Variants in ROBO2 observed in about 807,000 individuals in gnomAD.
ROBO2 encodes roundabout guidance receptor 2, also known as roundabout homolog 2.
Under a neutral mutation model 160.8 loss-of-function variants are expected in ROBO2, and 53 were observed. The observed-to-expected ratio is 0.33, with a 90% CI of 0.26 to 0.41. The LOEUF (loss-of-function observed/expected upper bound fraction) is 0.41, where lower values mean the gene tolerates loss of function less well. Ranked by LOEUF, ROBO2 falls within the 10% of genes least tolerant of loss-of-function variation. ROBO2 has a pLI of 1.00. For synonymous variants in ROBO2, 664 were observed against 611.7 expected (o/e 1.09, Z -1.26); for missense variants, 1,577 against 1,722.4 (o/e 0.92, Z 1.49).
At chr3:77,520,439 T>C (rs903344804) in intron 5 of ROBO2, among the ~76,000 whole-genome samples, 1 of 151,274 alleles carries the variant, frequency 6.6e-6, no homozygotes, top group African/African-American at 2.4e-5. Context: ...CTATGAACAA[T>C]GTGTGCAATA....
chr3:77,224,950 T>C (rs2086296854), intron 2 of ROBO2, among the ~76,000 whole-genome samples: 2 of 151,926 alleles, frequency 1.3e-5, no homozygotes, highest in Admixed American at 1.3e-4. Context: ...ATTGTAGCTA[T>C]AGGTTTAACA....
At chr3:76,864,253 A>G (rs936218380) in intron 2 of ROBO2, among the ~76,000 whole-genome samples, 1 of 152,078 alleles carries the variant, frequency 6.6e-6, no homozygotes, top group Non-Finnish European at 1.5e-5. Context: ...TTGTTTTTAC[A>G]CAATTAAGAA....
At chr3:76,860,068 C>A (rs1027069836) in intron 2 of ROBO2, among the ~76,000 whole-genome samples, 1 of 152,116 alleles carries the variant, frequency 6.6e-6, no homozygotes, top group Admixed American at 6.5e-5. Context: ...TCATGTATAT[C>A]ATTTTGTTCA....
chr3:77,150,999 A>G (rs1180878656), intron 2 of ROBO2, among the ~76,000 whole-genome samples: 1 of 152,166 alleles, frequency 6.6e-6, no homozygotes, highest in East Asian at 1.9e-4. Context: ...GTTTTATAGT[A>G]TAGGGTTTAT....
chr3:76,258,583 A>C (rs1706546551), intron 2 of ROBO2, among the ~76,000 whole-genome samples: 1 of 151,998 alleles, frequency 6.6e-6, no homozygotes, highest in African/African-American at 2.4e-5. Context: ...TTATTTGTAA[A>C]TATCTGGTTT....
intron 2 of ROBO2, among the ~76,000 whole-genome samples, chr3:76,639,884 T>G (rs1234167686): frequency 1.4e-4 from 21 of 152,164 alleles, no homozygotes; most frequent in Admixed American, 1.4e-3. Flanking sequence ...AACACATATA[T>G]AGTGAAGAGC....
chr3:75,950,391 T>TTC lies in ROBO2; in HGVS notation c.109+12790_109+12791insCT, dbSNP rs1948489565. On this transcript the variant is annotated intron_variant, in intron 2 of 26. Transcript: ENST00000487694. ...GAACTGAAGGATTACATATACAAGATTATAGCTTAATAAGTAGAGGGAGAA... is the reference window on the plus strand; with the variant it reads ...GAACTGAAGGATTACATATACAAGATTCTATAGCTTAATAAGTAGAGGGAGAA... 2.0e-5 allele frequency among the ~76,000 whole-genome samples: 3 copies of TTC among 152,192 alleles called. No individual in the cohort carries two copies. In the South Asian group the frequency reaches 6.2e-4, roughly 32 times the overall value.
intron 2 of ROBO2, among the ~76,000 whole-genome samples, chr3:76,402,283 C>G (rs1349945587): frequency 6.6e-6 from 1 of 151,528 alleles, no homozygotes; most frequent in Admixed American, 6.6e-5. Flanking sequence ...GTGGTAAACA[C>G]TGGGTTGCCA....
intron 2 of ROBO2, among the ~76,000 whole-genome samples, chr3:77,358,327 G>T (rs1344993020): frequency 6.6e-6 from 1 of 152,002 alleles, no homozygotes; most frequent in Non-Finnish European, 1.5e-5. Flanking sequence ...TTCTTTCTTT[G>T]TTTCTTTCCA....
chr3:76,571,685 G>A (rs1219218410), intron 2 of ROBO2, among the ~76,000 whole-genome samples: 3 of 152,060 alleles, frequency 2.0e-5, no homozygotes, highest in African/African-American at 7.2e-5. Flanking sequence ...TAGCCAGGAA[G>A]TACTAAGACT....
intron 2 of ROBO2, among the ~76,000 whole-genome samples, chr3:77,417,622 C>T (rs2077364486): frequency 1.3e-5 from 2 of 151,986 alleles, no homozygotes; most frequent in Admixed American, 6.6e-5. Context: ...TTGATTTGTA[C>T]CACTTTAGTC....
chr3:76,845,000 G>T (rs368958684), intron 2 of ROBO2, among the ~76,000 whole-genome samples: 1 of 151,888 alleles, frequency 6.6e-6, no homozygotes, highest in African/African-American at 2.4e-5. Context: ...ACTATTTTCA[G>T]CCTGGGCCTT....
intron 24 of ROBO2, among the ~76,000 whole-genome samples, chr3:77,641,763 C>T (rs1001344272): frequency 6.6e-6 from 1 of 151,920 alleles, no homozygotes; most frequent in Non-Finnish European, 1.5e-5. Flanking sequence ...CTAATACATA[C>T]TTAAAAGAGA....
At chr3:77,120,556 G>C (rs986634035) in intron 2 of ROBO2, among the ~76,000 whole-genome samples, 3 of 147,496 alleles carry the variant, frequency 2.0e-5, no homozygotes, top group African/African-American at 8.1e-5. Context: ...TTTATTCTGT[G>C]AATTTAAGAT....
At chr3:76,176,089 C>T (rs2073220409) in intron 2 of ROBO2, among the ~76,000 whole-genome samples, 1 of 151,914 alleles carries the variant, frequency 6.6e-6, no homozygotes, top group African/African-American at 2.4e-5. Flanking sequence ...TCCTTTGGGA[C>T]ACATGCTGCT....
At chr3:75,930,929 C>T (rs1947504565) in intron 1 of ROBO2, among the ~76,000 whole-genome samples, 2 of 152,190 alleles carry the variant, frequency 1.3e-5, no homozygotes, top group African/African-American at 2.4e-5. Context: ...AATTCTTAAT[C>T]TCCTACACTT....
At chr3:76,222,194 A>T (rs1704009732) in intron 2 of ROBO2, among the ~76,000 whole-genome samples, 1 of 152,176 alleles carries the variant, frequency 6.6e-6, no homozygotes, top group Admixed American at 6.5e-5. Flanking sequence ...AAAACACGTT[A>T]CCAGTGGCAA....
At chr3:77,463,015 A>T (rs1485410646) in intron 2 of ROBO2, among the ~76,000 whole-genome samples, 1 of 152,186 alleles carries the variant, frequency 6.6e-6, no homozygotes, top group Non-Finnish European at 1.5e-5. Flanking sequence ...TCATACTTTC[A>T]TCTTTCAGTT....
At chr3:77,123,868 C>G (rs1473880898) in intron 2 of ROBO2, among the ~76,000 whole-genome samples, 1 of 136,532 alleles carries the variant, frequency 7.3e-6, no homozygotes, top group Non-Finnish European at 1.6e-5. Context: ...TACATAGATA[C>G]ATATATAGAT....
Sources: gnomAD v4.1 joint callset for allele counts (sites outside exome capture counted in the v4.1 genomes callset) on GRCh38, gnomAD v4.1.1 for gene constraint, MANE v1.5 for transcripts, NCBI Gene and HGNC (gene_info 2026-07-23, HGNC 2026-07-21) for gene names.